PLCG2: variants seen among roughly 807,000 people sequenced by gnomAD.
PLCG2 encodes phospholipase C gamma 2, also known as 1-phosphatidylinositol 4,5-bisphosphate phosphodiesterase gamma-2.
Under a neutral mutation model 175.6 loss-of-function variants are expected in PLCG2, and 69 were observed. That is an observed-to-expected ratio of 0.39 (90% CI 0.32 to 0.48). The LOEUF (loss-of-function observed/expected upper bound fraction) is 0.48. Among genes scored for constraint, PLCG2 ranks in the 20% least tolerant of loss-of-function variants. PLCG2 has a pLI of 0.91. For synonymous variants in PLCG2, 827 were observed against 624.0 expected, an observed-to-expected ratio of 1.33 and a Z score of -4.85; for missense variants, 1,798 against 1,650.9, an observed-to-expected ratio of 1.09 and a Z score of -1.54.
At chr16:81,933,899 C>T (rs1027921693) in intron 25 of PLCG2, among the ~76,000 whole-genome samples, 11 of 152,178 alleles carry the variant, frequency 7.2e-5, no homozygotes, top group African/African-American at 2.4e-4. Flanking sequence ...AGGGAGGTAC[C>T]TCCTGAGTCC....
At chr16:81,792,849 G>C (rs185415243) in intron 2 of PLCG2, among the ~76,000 whole-genome samples, 1 of 152,286 alleles carries the variant, frequency 6.6e-6, no homozygotes, top group Admixed American at 6.5e-5. Context: ...AGATTTGGGT[G>C]GGGAGAGAGC....
chr16:81,832,188 A>G (rs755604888), intron 2 of PLCG2, among the ~76,000 whole-genome samples: 3 of 152,198 alleles, frequency 2.0e-5, no homozygotes, highest in Non-Finnish European at 2.9e-5. Flanking sequence ...TGCCTGACTC[A>G]TGGTGAATAC....
chr16:81,800,247 G>C (rs1234162210), intron 2 of PLCG2, among the ~76,000 whole-genome samples: 3 of 152,182 alleles, frequency 2.0e-5, no homozygotes, highest in Non-Finnish European at 2.9e-5. Context: ...TACATGTGCA[G>C]AATGTGTGGG....
chr16:81,932,997 T>G (rs1206728272), intron 25 of PLCG2, among the ~76,000 whole-genome samples: 1 of 152,194 alleles, frequency 6.6e-6, no homozygotes, highest in Non-Finnish European at 1.5e-5. Flanking sequence ...AATCTCCAAA[T>G]AGTGCACTCC....
intron 2 of PLCG2, among the ~76,000 whole-genome samples, chr16:81,789,662 ATGATATTTCACCACTT>A (rs1911138906): frequency 6.6e-6 from 1 of 152,154 alleles, no homozygotes; most frequent in Admixed American, 6.5e-5. Context: ...ACCAAGAATG[ATGATATTTCACCACTT>A]TGGCTGGGGC....
chr16:81,892,753 C>T (rs1597112577), intron 11 of PLCG2, among the ~76,000 whole-genome samples: 1 of 152,094 alleles, frequency 6.6e-6, no homozygotes, highest in Admixed American at 6.6e-5. Flanking sequence ...ATTTTGTCAC[C>T]CAGGCATTAA....
Position 81,755,252 on chromosome 16 carries a change from G to A in PLCG2, c.-144-618G>A, listed in dbSNP as rs778762065. 9.2e-5 allele frequency among the ~76,000 whole-genome samples: 14 copies of A among 151,970 alleles called. No homozygotes were observed. In the South Asian group the frequency reaches 2.5e-3, roughly 27 times the overall value. On this transcript the variant is annotated intron_variant, in intron 1 of 5. Coordinates refer to the PLCG2 transcript ENST00000565054. ...CACTCTGTCACCCAGGCTGGAGTAC[G>A]GTGCCGTCATCGTGGCTCACTGCAG...
chr16:81,851,273 A>G (rs748777892), intron 2 of PLCG2, among the ~76,000 whole-genome samples: 3 of 152,256 alleles, frequency 2.0e-5, no homozygotes, highest in African/African-American at 4.8e-5. Flanking sequence ...AACATCTTTC[A>G]TAACCATAGT....
chr16:81,949,686 C>A (rs1436915438), intron 31 of PLCG2, among the ~76,000 whole-genome samples: 5 of 152,136 alleles, frequency 3.3e-5, no homozygotes, highest in South Asian at 4.1e-4. Flanking sequence ...TTTTGCAGTA[C>A]AGTTACATCT....
At chr16:81,929,704 A>G (rs113123633) in intron 24 of PLCG2, among the ~76,000 whole-genome samples, 329 of 152,260 alleles carry the variant, frequency 2.2e-3, no homozygotes, top group African/African-American at 6.6e-3. Flanking sequence ...CCTGCTTTCC[A>G]CATTTATAAC....
chr16:81,756,734 C>T (rs35128974), intron 2 of PLCG2, among the ~76,000 whole-genome samples: 74,590 of 152,010 alleles, frequency 0.49, 19,912 homozygotes, highest in Middle Eastern at 0.6. Context: ...GAGCTGAGAG[C>T]CCAGAGAGAC....
At chr16:81,880,841 A>C in intron 7 of PLCG2, 69 bp from the exon 8 acceptor site, 1 of 1,464,870 alleles carries the variant, frequency 6.8e-7, no homozygotes, top group Non-Finnish European at 9.5e-7. Context: ...TTAACAACAA[A>C]AATCTTTCCG....
intron 30 of PLCG2, among the ~76,000 whole-genome samples, chr16:81,943,062 G>C (rs1404258203): frequency 6.6e-6 from 1 of 152,204 alleles, no homozygotes; most frequent in African/African-American, 2.4e-5. Context: ...CCTAGTGTCA[G>C]ATAGTACTGT....
At chr16:81,816,010 C>G (rs187556785) in intron 2 of PLCG2, among the ~76,000 whole-genome samples, 1 of 150,284 alleles carries the variant, frequency 6.7e-6, no homozygotes, top group East Asian at 2.0e-4. Context: ...TGCGGTGAGC[C>G]GAGATTGTGC....
chr16:81,950,039 A>T (rs146904968), intron 31 of PLCG2, among the ~76,000 whole-genome samples: 13 of 152,328 alleles, frequency 8.5e-5, no homozygotes, highest in Non-Finnish European at 1.5e-4. Context: ...AAAAAAGGAG[A>T]TCAACATAAA....
At chr16:81,886,799 C>G (rs1328601739) in intron 9 of PLCG2, among the ~76,000 whole-genome samples, 4 of 152,170 alleles carry the variant, frequency 2.6e-5, no homozygotes, top group Non-Finnish European at 5.9e-5. Context: ...AGATGAGACA[C>G]CGTGTGGGGC....
chr16:81,876,016 C>CTTTTTTTTTTTTTTTTT lies in PLCG2; in HGVS notation c.649-4889_649-4873dup, dbSNP rs547152035. On this transcript the variant is annotated intron_variant, in intron 7 of 32. Transcript: ENST00000564138. ...CTCTGGTTAGCTTTTCTTTTTCTTT[C>CTTTTTTTTTTTTTTTTT]TTTTTTTTTTTTTTTTTTTTTGTTT... is the stretch of plus-strand genomic sequence containing the variant. Among the ~76,000 whole-genome samples the CTTTTTTTTTTTTTTTTT allele has an allele frequency of 7.5e-4, 86 of 115,000 alleles. 1 individual carries two copies. Among genetic ancestry groups the CTTTTTTTTTTTTTTTTT allele is most frequent in the Non-Finnish European group, 1.0e-3 (58 of 57,078 alleles). 75.4% of individuals were successfully genotyped at this position (115,000 alleles called of 152,430 possible).
At chr16:81,831,867 C>G (rs892907290) in intron 2 of PLCG2, among the ~76,000 whole-genome samples, 1 of 152,224 alleles carries the variant, frequency 6.6e-6, no homozygotes, top group African/African-American at 2.4e-5. Context: ...GTTTGCAAAA[C>G]TCTGAGCCTG....
chr16:81,766,573 C>A (rs896641873), intron 2 of PLCG2, among the ~76,000 whole-genome samples: 4 of 152,180 alleles, frequency 2.6e-5, no homozygotes, highest in African/African-American at 9.7e-5. Context: ...GCCCTTCCTC[C>A]CCCATTATAT....
Sources: allele counts gnomAD v4.1 joint callset (sites outside exome capture counted in the v4.1 genomes callset), GRCh38; gene constraint gnomAD v4.1.1; transcripts MANE v1.5; gene names NCBI Gene and HGNC (gene_info 2026-07-23, HGNC 2026-07-21).